The following MAP3K21 variants were observed in gnomAD, a reference collection of about 807,000 sequenced individuals.
MAP3K21 encodes the protein mitogen-activated protein kinase kinase kinase 21, also known as mitogen-activated protein kinase kinase kinase MLK4.
In MAP3K21, 63 loss-of-function variants were observed where a neutral mutation model predicts 86.1. The observed-to-expected ratio is 0.73, with a 90% CI of 0.60 to 0.90. The LOEUF (loss-of-function observed/expected upper bound fraction) is 0.90. Ranked by LOEUF, MAP3K21 falls within the 40% of genes least tolerant of loss-of-function variation. The pLI is 0.00. For missense variants in MAP3K21, 1,220 were observed against 1,367.7 expected (o/e 0.89, Z 1.70); for synonymous variants, 558 against 564.8 (o/e 0.99, Z 0.17).
At chr1:233,372,214 T>G (rs769359768) in intron 6 of MAP3K21, 54 bp downstream of exon 6, 1 of 1,599,666 alleles carries the variant, frequency 6.3e-7, no homozygotes, top group Non-Finnish European at 8.5e-7. Flanking sequence ...CTCCTTTCAC[T>G]TGACTTGGAT....
intron 1 of MAP3K21, among the ~76,000 whole-genome samples, chr1:233,333,688 C>G (rs1410962122): frequency 6.6e-6 from 1 of 151,998 alleles, no homozygotes; most frequent in African/African-American, 2.4e-5. Flanking sequence ...CGTATTTGAT[C>G]AGTTTTGTAA....
chr1:233,339,150 A>AAT (rs962155578), intron 1 of MAP3K21, among the ~76,000 whole-genome samples: 2 of 152,176 alleles, frequency 1.3e-5, no homozygotes, highest in African/African-American at 4.8e-5. Flanking sequence ...CTGATAGATG[A>AAT]ATATTCAAAT....
intron 1 of MAP3K21, among the ~76,000 whole-genome samples, chr1:233,343,665 T>C (rs192643817): frequency 6.6e-6 from 1 of 152,048 alleles, no homozygotes; most frequent in Non-Finnish European, 1.5e-5. Context: ...GGCTCTGGAG[T>C]CAGACTGCTT....
At chr1:233,335,553 A>T (rs1662895943) in intron 1 of MAP3K21, among the ~76,000 whole-genome samples, 1 of 152,102 alleles carries the variant, frequency 6.6e-6, no homozygotes, top group Admixed American at 6.6e-5. Context: ...ACTGAACTCA[A>T]TGATTAACTG....
Position 233,328,201 on chromosome 1 carries a change from G to T in MAP3K21, c.173G>T (p.Ser58Ile), listed in dbSNP as rs1421193256. 2 of 1,487,544 alleles carry T rather than the reference G, an allele frequency of 1.3e-6. No individual in the cohort carries two copies. Among genetic ancestry groups the T allele is most frequent in the Non-Finnish European group, 8.9e-7 (1 of 1,126,944 alleles). 92.1% of individuals were successfully genotyped at this position (1,487,544 alleles called of 1,614,324 possible). ...GAGGCTCGCGGCGAGGACGAGCTGA[G>T]CCTGCGGCGCGGCCAGCTGGTGGAG... is the stretch of plus-strand genomic sequence containing the variant. ...DYEARGEDEL[S>I]LRRGQLVEVL... is the part of the protein sequence containing the mutation. Residue 58 changes from serine to isoleucine, a missense_variant, in exon 1 of 10, where the codon AGC (serine) becomes ATC (isoleucine). By Grantham distance (142) the Ser-to-Ile change is moderately radical (BLOSUM62 -2). Coordinates refer to ENST00000366624, the MANE Select transcript of MAP3K21 (RefSeq NM_032435.3). The surrounding 1 kb of genome is among the most constrained non-coding windows in gnomAD (Gnocchi z 8.7).
At chr1:233,333,887 G>T (rs1662860670) in intron 1 of MAP3K21, among the ~76,000 whole-genome samples, 2 of 152,056 alleles carry the variant, frequency 1.3e-5, no homozygotes, top group South Asian at 4.1e-4. Flanking sequence ...TTTTTGAGAC[G>T]GAGTCTCGCT....
At chr1:233,375,863 A>T (rs1180478470) in intron 6 of MAP3K21, 53 bp from the exon 7 acceptor site, 2 of 1,443,414 alleles carry the variant, frequency 1.4e-6, no homozygotes, top group Admixed American at 1.9e-5. Flanking sequence ...AACAAAGCCA[A>T]TATTGGTTAA....
At chr1:233,352,586 A>C (rs1420995902) in intron 2 of MAP3K21, among the ~76,000 whole-genome samples, 2 of 151,932 alleles carry the variant, frequency 1.3e-5, no homozygotes, top group African/African-American at 2.4e-5. Context: ...ACGCACCACC[A>C]TGCCCGGGTC....
chr1:233,346,396 A>G lies in MAP3K21; in HGVS notation c.806-46A>G, dbSNP rs541109867. 21 of 1,480,862 alleles carry G rather than the reference A, an allele frequency of 1.4e-5. No homozygotes were observed. The Admixed American group carries it at 4.1e-4, about 29-fold the overall frequency. 91.7% of individuals were successfully genotyped at this position (1,480,862 alleles called of 1,614,324 possible). A position where few individuals can be genotyped will look rare whatever the true frequency, so the allele number is the denominator to read the frequency against. On this transcript the variant is annotated intron_variant, in intron 1 of 9. Coordinates refer to ENST00000366624, the MANE Select transcript of MAP3K21 (RefSeq NM_032435.3). ...CATGCCACAGAAAAATTGTGACAGA[A>G]AAATTAAAAGAATATGCAAATGTCT...
chr1:233,328,658 A>C lies in MAP3K21; in HGVS notation c.630A>C (p.Arg210=), dbSNP rs1447408567. Reference sequence around the variant, plus strand: ...TCGCCCGCGGCGGAGCGCTCAACCGAGCGCTGGCCGCTGCCAACGCCGCCC... The same window carrying C: ...TCGCCCGCGGCGGAGCGCTCAACCGCGCGCTGGCCGCTGCCAACGCCGCCC... The part of the protein sequence containing the change: ...LEFARGGALN[R]ALAAANAAPD... Residue 210 remains arginine, a synonymous_variant, in exon 1 of 10, where the codon CGA becomes CGC. Coordinates refer to ENST00000366624, the MANE Select transcript of MAP3K21 (RefSeq NM_032435.3). The surrounding 1 kb of genome is among the most constrained non-coding windows in gnomAD (Gnocchi z 8.7). The C allele has an allele frequency of 1.5e-6, 2 of 1,347,544 alleles. No homozygotes were observed. The highest frequency in any genetic ancestry group is 1.9e-6 in the Non-Finnish European group (2 of 1,052,308). The allele number at this position is 1,347,544 out of a possible 1,614,324, so 83.5% of individuals were successfully genotyped here. A position where few individuals can be genotyped will look rare whatever the true frequency, so the allele number is the denominator to read the frequency against.
chr1:233,365,549 G>A (rs372031095), intron 5 of MAP3K21, among the ~76,000 whole-genome samples: 1 of 152,140 alleles, frequency 6.6e-6, no homozygotes. Context: ...TAATCCTCAG[G>A]GAAATGCTAA....
Position 233,379,262 on chromosome 1 carries a change from G to T in MAP3K21, c.2256G>T (p.Leu752Phe). 1 of 1,614,208 alleles carries T rather than the reference G, an allele frequency of 6.2e-7. No individual in the cohort carries two copies. The highest frequency in any genetic ancestry group is 1.1e-5 in the South Asian group (1 of 91,078). Residue 752 changes from leucine to phenylalanine, a missense_variant, in exon 9 of 10, where the codon TTG becomes TTT. Physicochemically the swap from Leu to Phe is conservative, Grantham distance 22. This residue lies in a region of MAP3K21 where 632 missense variants were observed against 691.3 expected (regional missense o/e 0.91). Coordinates refer to ENST00000366624, the MANE Select transcript of MAP3K21 (RefSeq NM_032435.3). ...AAGCACAGGCTGCTGAAGAACCGTT[G>T]CCCAAGGAAGAGAAGAAGAAACGAG... ...LHKAQAAEEP[L>F]PKEEKKKREG...
chr1:233,358,185 C>T (rs1274070342), intron 4 of MAP3K21, among the ~76,000 whole-genome samples: 2 of 151,602 alleles, frequency 1.3e-5, no homozygotes, highest in Non-Finnish European at 2.9e-5. Flanking sequence ...AGGGCTTGGG[C>T]GGGGCTTAAG....
In MAP3K21 at chr1:233,360,561, C is replaced by T. The variant is rs543577393; in HGVS notation, c.1312-1492C>T. On this transcript the variant is annotated intron_variant, in intron 4 of 9. Transcript: ENST00000366624. ...ACTTTGGTTAGAATCACCCCAAATTCGTAATCAGTTTGACCTGAATAAATA... is the reference window on the plus strand; with the variant it reads ...ACTTTGGTTAGAATCACCCCAAATTTGTAATCAGTTTGACCTGAATAAATA... 7.9e-5 allele frequency among the ~76,000 whole-genome samples: 12 copies of T among 152,234 alleles called. No individual in the cohort carries two copies. In the East Asian group the frequency reaches 1.2e-3, roughly 15 times the overall value.
chr1:233,378,956 C>A lies in MAP3K21; in HGVS notation c.1950C>A (p.Ser650=). ...QPGSCEEPKL[S]PDGLEHRKPK... The stretch of plus-strand genomic sequence containing the variant: ...GGTCCTGTGAAGAGCCAAAACTTTC[C>A]CCTGATGGATTAGAACACAGAAAAC... Residue 650 remains serine (S), a synonymous_variant, in exon 9 of 10, where the codon TCC becomes TCA. Transcript: ENST00000366624. 1 of 1,612,620 alleles carries A rather than the reference C, an allele frequency of 6.2e-7. No homozygotes were observed. The highest frequency in any genetic ancestry group is 8.5e-7 in the Non-Finnish European group (1 of 1,179,212).
At chr1:233,374,004 G>A (rs909056992) in intron 6 of MAP3K21, 6 of 143,418 alleles carry the variant, frequency 4.2e-5, no homozygotes, top group African/African-American at 1.3e-4. Context: ...TCATATAGCC[G>A]AGATGAACTT....
intron 4 of MAP3K21, among the ~76,000 whole-genome samples, chr1:233,360,649 G>A (rs1197130151): frequency 6.6e-6 from 1 of 152,140 alleles, no homozygotes; most frequent in African/African-American, 2.4e-5. Context: ...TTTGTGGGAG[G>A]ATGGTCTTCC....
At chr1:233,363,595 G>A (rs1386892261) in intron 5 of MAP3K21, among the ~76,000 whole-genome samples, 2 of 151,954 alleles carry the variant, frequency 1.3e-5, no homozygotes, top group African/African-American at 4.8e-5. Context: ...CCAGCTACTC[G>A]GGAGGCTGAG....
rs1663887383 is a variant in MAP3K21 at position 233,380,179 on chromosome 1, T to C, written c.2704+469T>C. Among the ~76,000 whole-genome samples the C allele has an allele frequency of 2.6e-5, 4 of 152,172 alleles. No homozygotes were observed. In the South Asian group the frequency reaches 8.3e-4, roughly 31 times the overall value. ...GCTGCCATAACAGAGTGCCACAGCA[T>C]GGAGAGATGTTCAGCACAAACTCAT... On this transcript the variant is annotated intron_variant, in intron 9 of 9. Transcript: ENST00000366624.
Sources: gnomAD v4.1 joint callset for allele counts (sites outside exome capture counted in the v4.1 genomes callset) on GRCh38, gnomAD v4.1.1 for gene constraint, gnomAD v4.1.1 regional missense constraint, Gnocchi (gnomAD v3.1) non-coding constraint, MANE v1.5 for transcripts, NCBI Gene and HGNC (gene_info 2026-07-23, HGNC 2026-07-21) for gene names.